Variants in ITCH observed in about 807,000 individuals in gnomAD.
The protein encoded by ITCH is E3 ubiquitin-protein ligase Itchy homolog.
In ITCH, 28 loss-of-function variants were observed where a neutral mutation model predicts 126.8. The observed-to-expected ratio is 0.22, with a 90% CI of 0.16 to 0.30. The LOEUF is 0.30. ITCH is among the 10% of genes least tolerant of loss of function. The pLI is 1.00. For synonymous variants in ITCH, 342 were observed against 340.0 expected, an observed-to-expected ratio of 1.01 and a Z score of -0.06; for missense variants, 631 against 1,032.4, an observed-to-expected ratio of 0.61 and a Z score of 5.33.
chr20:34,374,661 T>C (rs563863222), intron 2 of ITCH, among the ~76,000 whole-genome samples: 11 of 152,246 alleles, frequency 7.2e-5, no homozygotes, highest in Non-Finnish European at 1.6e-4. Context: ...CAGATCAGAC[T>C]GGGACTTTAA....
chr20:34,438,644 G>C lies in ITCH; in HGVS notation c.679+13G>C, dbSNP rs770863146. The C allele has an allele frequency of 3.1e-6, 5 of 1,613,332 alleles. No homozygotes were observed. On this transcript the variant is annotated intron_variant, in intron 8 of 24. Transcript: ENST00000374864. ...CCACGTAGACCAGGTTTGTATTCCA[G>C]CTCTCAATACTCTTGGAAATAATGT...
chr20:34,480,823 T>G (rs1988682139), intron 19 of ITCH, 91 bp downstream of exon 19: 1 of 1,111,156 alleles, frequency 9.0e-7, no homozygotes, highest in Admixed American at 2.4e-5. Flanking sequence ...GGCACATAAT[T>G]GGTTTATTGT....
chr20:34,457,954 AAAG>A, intron 13 of ITCH, among the ~76,000 whole-genome samples: 1 of 152,320 alleles, frequency 6.6e-6, no homozygotes, highest in East Asian at 1.9e-4. Flanking sequence ...TTTCAAAAAA[AAAG>A]AAAACAATAG....
rs140267411 is a variant in ITCH, at chr20:34,463,502, A to G, written c.1424+1281A>G. ...GGATTAAATATTAATTCTGTATTTA[A>G]TTTTTTGAAGAACCACCATACTGTT... On this transcript the variant is annotated intron_variant, in intron 14 of 24. Coordinates refer to ENST00000374864, the MANE Select transcript of ITCH (RefSeq NM_031483.7). Among the ~76,000 whole-genome samples, 43 of 152,208 alleles carry G rather than the reference A, an allele frequency of 2.8e-4. No homozygotes were observed. In the East Asian group the frequency reaches 7.7e-3, roughly 27 times the overall value.
chr20:34,409,623 A>G (rs191205690), intron 4 of ITCH, among the ~76,000 whole-genome samples: 2 of 152,264 alleles, frequency 1.3e-5, no homozygotes, highest in Admixed American at 6.5e-5. Context: ...ATAGCTTTGT[A>G]ATATTCCTTA....
At chr20:34,403,145 G>C (rs1031975598) in intron 3 of ITCH, among the ~76,000 whole-genome samples, 5 of 151,924 alleles carry the variant, frequency 3.3e-5, no homozygotes, top group African/African-American at 1.2e-4. Context: ...TCTCTTACCT[G>C]GTTCATTATT....
At chr20:34,488,120 C>A (rs769519096) in intron 20 of ITCH, among the ~76,000 whole-genome samples, 1 of 150,776 alleles carries the variant, frequency 6.6e-6, no homozygotes. Flanking sequence ...ATTACTATTT[C>A]TGGTTCTCCT....
intron 7 of ITCH, among the ~76,000 whole-genome samples, chr20:34,424,851 A>G (rs1021570011): frequency 1.3e-5 from 2 of 152,192 alleles, no homozygotes; most frequent in African/African-American, 2.4e-5. Context: ...AAACTGAGAT[A>G]GGAGCTTTAC....
intron 20 of ITCH, 137 bp downstream of exon 20, chr20:34,481,343 T>C: frequency 1.0e-6 from 1 of 975,404 alleles, no homozygotes; most frequent in Non-Finnish European, 1.5e-6. Flanking sequence ...AGGCAGTCAT[T>C]TTTCATTTCT....
At chr20:34,401,732 G>A in intron 3 of ITCH, 3 of 612,110 alleles carry the variant, frequency 4.9e-6, no homozygotes, top group Non-Finnish European at 4.1e-6. Flanking sequence ...AAAAAAGACT[G>A]AAAAACAAAC....
At chr20:34,483,563 A>G (rs117532622) in intron 20 of ITCH, among the ~76,000 whole-genome samples, 2,757 of 152,306 alleles carry the variant, frequency 0.018, 258 homozygotes, top group Admixed American at 0.15. Context: ...GCATTTCCCA[A>G]AAAGTTTCTC....
In ITCH at chr20:34,368,790, T is replaced by G. The variant is rs572979875; in HGVS notation, c.-98-604T>G. Among the ~76,000 whole-genome samples the G allele has an allele frequency of 1.7e-3, 265 of 152,184 alleles. 1 individual carries two copies. The highest frequency in any genetic ancestry group is 2.8e-3 in the Non-Finnish European group (190 of 68,000). ...CGTTTTCTTTTCCTGTCCCTAGGAG[T>G]CTCCAAGTTGCAGGGACTATCATTA... On this transcript the variant is annotated intron_variant, in intron 1 of 24. Coordinates refer to ENST00000374864, the MANE Select transcript of ITCH (RefSeq NM_031483.7).
chr20:34,467,677 CATT>C (rs1211288183), intron 14 of ITCH, among the ~76,000 whole-genome samples: 13 of 130,686 alleles, frequency 9.9e-5, no homozygotes, highest in East Asian at 2.2e-4. Flanking sequence ...TTTTCTTTTT[CATT>C]TTTTTTTTTT....
intron 20 of ITCH, among the ~76,000 whole-genome samples, chr20:34,483,150 C>T (rs939995358): frequency 1.3e-5 from 2 of 152,112 alleles, no homozygotes; most frequent in Non-Finnish European, 2.9e-5. Context: ...GGCCTGCCTA[C>T]AGGCTTGTGA....
chr20:34,498,831 G>T (rs188440917), intron 23 of ITCH, among the ~76,000 whole-genome samples: 2 of 151,664 alleles, frequency 1.3e-5, no homozygotes, highest in East Asian at 3.9e-4. Flanking sequence ...TTGGTATCAG[G>T]GTAACGCTGG....
At chr20:34,479,556 A>C in intron 17 of ITCH, 74 bp from the exon 18 acceptor site, 1 of 1,270,042 alleles carries the variant, frequency 7.9e-7, no homozygotes, top group Non-Finnish European at 1.1e-6. Context: ...GATCCCTGAG[A>C]ACTTTATAGC....
intron 6 of ITCH, among the ~76,000 whole-genome samples, chr20:34,420,227 A>G (rs550575355): frequency 3.3e-5 from 5 of 152,114 alleles, no homozygotes; most frequent in African/African-American, 7.2e-5. Context: ...GTCACCTTAG[A>G]AAAAAAACCC....
intron 20 of ITCH, among the ~76,000 whole-genome samples, chr20:34,483,442 C>A (rs1317777049): frequency 6.6e-6 from 1 of 152,166 alleles, no homozygotes; most frequent in Non-Finnish European, 1.5e-5. Context: ...TACCCTAAAT[C>A]ATCTCTCTCA....
intron 3 of ITCH, among the ~76,000 whole-genome samples, chr20:34,406,934 A>G (rs575508069): frequency 1.3e-5 from 2 of 152,084 alleles, no homozygotes; most frequent in East Asian, 1.9e-4. Flanking sequence ...TTGCTGCTAC[A>G]GTAGATAACC....
Sources: allele counts gnomAD v4.1 joint callset (sites outside exome capture counted in the v4.1 genomes callset), GRCh38; gene constraint gnomAD v4.1.1; transcripts MANE v1.5; gene names NCBI Gene and HGNC (gene_info 2026-07-23, HGNC 2026-07-21).